BMPER: variants seen among roughly 807,000 people sequenced by gnomAD.
The protein encoded by BMPER is BMP-binding endothelial regulator protein.
A neutral mutation model predicts 87.3 loss-of-function variants in BMPER; 45 were observed. The ratio of observed to expected loss-of-function variants is 0.52; its 90% CI spans 0.41 to 0.66. BMPER has a LOEUF of 0.66. BMPER is among the 30% of genes least tolerant of loss of function. The probability of loss-of-function intolerance (pLI) is 0.00; values close to 1 mark genes in which losing one functional copy is unlikely to be tolerated. For synonymous variants in BMPER, 326 were observed against 316.2 expected (o/e 1.03, Z -0.33); for missense variants, 784 against 867.5 (o/e 0.90, Z 1.21).
In BMPER at chr7:34,019,473, G is replaced by A. The variant is rs114993625; in HGVS notation, c.577-26833G>A. On this transcript the variant is annotated intron_variant, in intron 6 of 14. Coordinates refer to ENST00000649409, the MANE Select transcript of BMPER (RefSeq NM_001365308.1). ...CTCCTCTGATCCGCATCATTTATAC[G>A]CCCAACCTCAATACAGTCCTTGGAG... Among the ~76,000 whole-genome samples the A allele has an allele frequency of 3.7e-3, 566 of 152,024 alleles. 4 individuals carry two copies. The highest frequency in any genetic ancestry group is 0.012 in the African/African-American group (510 of 41,516).
intron 2 of BMPER, among the ~76,000 whole-genome samples, chr7:33,915,924 A>G (rs1585631685): frequency 6.6e-6 from 1 of 152,188 alleles, no homozygotes; most frequent in Non-Finnish European, 1.5e-5. Flanking sequence ...CTATATCTCA[A>G]CATCTCTATC....
At chr7:34,129,382 G>A (rs1378732748) in intron 13 of BMPER, among the ~76,000 whole-genome samples, 1 of 151,564 alleles carries the variant, frequency 6.6e-6, no homozygotes, top group Non-Finnish European at 1.5e-5. Flanking sequence ...CACACTTATA[G>A]TCCCAGCTAC....
chr7:34,008,715 C>A (rs1336740432), intron 6 of BMPER, among the ~76,000 whole-genome samples: 1 of 152,008 alleles, frequency 6.6e-6, no homozygotes, highest in Non-Finnish European at 1.5e-5. Flanking sequence ...TTGTTCCTAA[C>A]TTGAATGGCA....
intron 6 of BMPER, among the ~76,000 whole-genome samples, chr7:34,006,786 T>C (rs1786745149): frequency 6.6e-6 from 1 of 152,082 alleles, no homozygotes; most frequent in Admixed American, 6.6e-5. Context: ...GAGAAGTTCA[T>C]GAATTTGGTG....
intron 13 of BMPER, among the ~76,000 whole-genome samples, chr7:34,113,064 A>G (rs1562751975): frequency 6.6e-6 from 1 of 151,744 alleles, no homozygotes; most frequent in African/African-American, 2.4e-5. Context: ...TATAATGTAA[A>G]ATGTGTGAGC....
chr7:34,078,768 GCTT>G, intron 11 of BMPER, 86 bp from the exon 12 acceptor site: 1 of 1,372,100 alleles, frequency 7.3e-7, no homozygotes, highest in Non-Finnish European at 1.0e-6. Flanking sequence ...TTCTGCTAAG[GCTT>G]CCCCTTACCC....
chr7:34,103,543 G>A (rs1789740098), intron 13 of BMPER, among the ~76,000 whole-genome samples: 1 of 152,132 alleles, frequency 6.6e-6, no homozygotes, highest in Admixed American at 6.5e-5. Flanking sequence ...TAAGCTTCAA[G>A]TGACTCCCCT....
intron 13 of BMPER, among the ~76,000 whole-genome samples, chr7:34,133,516 C>G (rs80264848): frequency 0.041 from 6,252 of 152,166 alleles, 272 homozygotes; most frequent in African/African-American, 0.11. Flanking sequence ...TTGGTAACAG[C>G]CTTTGTAATC....
intron 6 of BMPER, among the ~76,000 whole-genome samples, chr7:34,018,981 ATCT>A (rs1376315129): frequency 6.6e-6 from 1 of 151,920 alleles, no homozygotes; most frequent in Non-Finnish European, 1.5e-5. Flanking sequence ...TCCTTGTAAA[ATCT>A]TCTTCAGTGC....
At chr7:33,908,501 G>C (rs1360084220) in intron 2 of BMPER, among the ~76,000 whole-genome samples, 1 of 152,152 alleles carries the variant, frequency 6.6e-6, no homozygotes. Flanking sequence ...TTCTCTGAAA[G>C]TGGAGACTTA....
At chr7:33,957,739 A>G (rs541583658) in intron 3 of BMPER, among the ~76,000 whole-genome samples, 11 of 152,100 alleles carry the variant, frequency 7.2e-5, no homozygotes, top group Admixed American at 2.0e-4. Context: ...CTACCTGTAT[A>G]TTTGTTTGCA....
At chr7:33,976,533 T>G (rs1785692385) in intron 6 of BMPER, among the ~76,000 whole-genome samples, 1 of 152,234 alleles carries the variant, frequency 6.6e-6, no homozygotes, top group Admixed American at 6.5e-5. Context: ...ATTTTATTTC[T>G]TCCATACTGT....
At chr7:34,065,673 A>T (rs756966250) in intron 11 of BMPER, among the ~76,000 whole-genome samples, 1 of 152,214 alleles carries the variant, frequency 6.6e-6, no homozygotes, top group Non-Finnish European at 1.5e-5. Context: ...GCAAAAAATT[A>T]TGAAGGCGTA....
chr7:33,969,393 A>T lies in BMPER; in HGVS notation c.403-936A>T, dbSNP rs537276761. On this transcript the variant is annotated intron_variant, in intron 4 of 14. Transcript: ENST00000649409. ...ATATCAATTTGCAAATGACTCACTT[A>T]ATTTATTTATTTATTTATTTTTTTG... Among the ~76,000 whole-genome samples the T allele has an allele frequency of 2.8e-4, 42 of 152,128 alleles. 1 individual carries two copies. In the East Asian group the frequency reaches 6.8e-3, roughly 25 times the overall value.
Position 34,131,892 on chromosome 7 carries a change from C to T in BMPER, c.1746-11338C>T, listed in dbSNP as rs139420067. Among the ~76,000 whole-genome samples the T allele has an allele frequency of 1.3e-4, 20 of 152,304 alleles. No homozygotes were observed. In the East Asian group the frequency reaches 3.9e-3, roughly 29 times the overall value. ...CTTCAGTGGGGCTGGAGATGGAATG[C>T]TGCAATTTCTGTTTTGCTTAGTCCT... On this transcript the variant is annotated intron_variant, in intron 13 of 14. Coordinates refer to ENST00000649409, the MANE Select transcript of BMPER (RefSeq NM_001365308.1).
chr7:34,058,695 T>C lies in BMPER; in HGVS notation c.1032+532T>C, dbSNP rs146818200. ...AGCATCCTTATGGAAATATCTCTTTTCAAAAACTCATAGCTCCAGCACACT... is the reference window on the plus strand; with the variant it reads ...AGCATCCTTATGGAAATATCTCTTTCCAAAAACTCATAGCTCCAGCACACT... On this transcript the variant is annotated intron_variant, in intron 10 of 14. Transcript: ENST00000649409. Among the ~76,000 whole-genome samples, 189 of 152,334 alleles carry C rather than the reference T, an allele frequency of 1.2e-3. 2 individuals carry two copies. The highest frequency in any genetic ancestry group is 4.3e-3 in the African/African-American group (177 of 41,578).
intron 13 of BMPER, among the ~76,000 whole-genome samples, chr7:34,122,405 C>T (rs190810984): frequency 1.3e-5 from 2 of 152,242 alleles, no homozygotes; most frequent in Admixed American, 1.3e-4. Flanking sequence ...GAATGCGGCT[C>T]AATAGGTTTT....
intron 2 of BMPER, among the ~76,000 whole-genome samples, chr7:33,934,922 A>G (rs1415882976): frequency 3.9e-5 from 6 of 152,174 alleles, no homozygotes; most frequent in African/African-American, 1.2e-4. Flanking sequence ...TTGGGGTGGG[A>G]GAGTCGGTAT....
At position 34,079,157 on chromosome 7, in the gene BMPER, G is replaced by C. The variant is rs746821828; in HGVS notation, c.1379G>C (p.Gly460Ala). 1.3e-5 allele frequency: 21 copies of C among 1,613,840 alleles called. No homozygotes were observed. The highest frequency in any genetic ancestry group is 1.5e-5 in the Non-Finnish European group (18 of 1,180,030). ...CCACACTTCCACATCGACCTGGATG[G>C]CTACCTCTTGAAAGTGACCACCAAA... ...RAPHFHIDLD[G>A]YLLKVTTKAG... Residue 460 changes from glycine to alanine, a missense_variant, in exon 12 of 15, where the codon GGC becomes GCC. Gly to Ala is a moderately conservative substitution (Grantham distance 60). Transcript: ENST00000649409.
Sources: gnomAD v4.1 joint callset for allele counts (sites outside exome capture counted in the v4.1 genomes callset) on GRCh38, gnomAD v4.1.1 for gene constraint, MANE v1.5 for transcripts, NCBI Gene and HGNC (gene_info 2026-07-23, HGNC 2026-07-21) for gene names.